Variants in DCDC1 observed in about 807,000 individuals in gnomAD.
DCDC1 encodes doublecortin domain containing 1.
DCDC1 carries 200 observed loss-of-function variants against 178.3 expected under a neutral mutation model. The ratio of observed to expected loss-of-function variants is 1.12; its 90% CI spans 1.00 to 1.26. DCDC1 has a LOEUF of 1.26. Ranked by LOEUF, DCDC1 falls within the 50% of genes most tolerant of loss-of-function variation. DCDC1 has a pLI of 0.00. For missense variants in DCDC1, 1,983 were observed against 1,749.2 expected (o/e 1.13, Z -2.38); for synonymous variants, 690 against 604.8 (o/e 1.14, Z -2.07).
At chr11:31,104,267 T>A (rs752733311) in intron 13 of DCDC1, among the ~76,000 whole-genome samples, 9 of 152,158 alleles carry the variant, frequency 5.9e-5, no homozygotes, top group Non-Finnish European at 1.2e-4. Flanking sequence ...AAAAACAGAT[T>A]TTAAATGAAA....
At chr11:31,112,033 G>A (rs1959185689) in intron 11 of DCDC1, among the ~76,000 whole-genome samples, 1 of 151,994 alleles carries the variant, frequency 6.6e-6, no homozygotes, top group African/African-American at 2.4e-5. Flanking sequence ...AAAATTGGCT[G>A]TGACCTCTGC....
chr11:31,005,301 A>C (rs1169203176), intron 20 of DCDC1, among the ~76,000 whole-genome samples: 1 of 152,132 alleles, frequency 6.6e-6, no homozygotes, highest in Non-Finnish European at 1.5e-5. Context: ...TTTGGACAAC[A>C]TGGTTAGCCC....
intron 38 of DCDC1, 32 bp downstream of exon 38, chr11:30,878,512 T>A: frequency 6.9e-7 from 1 of 1,445,348 alleles, no homozygotes; most frequent in Non-Finnish European, 9.2e-7. Context: ...CATAATGTCA[T>A]AACAAACATG....
At chr11:31,138,096 T>C (rs1565334571) in intron 9 of DCDC1, among the ~76,000 whole-genome samples, 1 of 100,418 alleles carries the variant, frequency 1.0e-5, no homozygotes, top group Non-Finnish European at 2.4e-5. Flanking sequence ...ACAGCAACTT[T>C]TTAAAAAAAA....
intron 20 of DCDC1, among the ~76,000 whole-genome samples, chr11:31,024,485 A>G (rs1391590078): frequency 1.3e-5 from 2 of 151,996 alleles, no homozygotes; most frequent in Non-Finnish European, 2.9e-5. Flanking sequence ...TGGAATGGAA[A>G]TTATATGTGA....
chr11:31,315,652 T>C (rs1384616870), intron 3 of DCDC1, among the ~76,000 whole-genome samples: 1 of 146,266 alleles, frequency 6.8e-6, no homozygotes, highest in East Asian at 2.0e-4. Flanking sequence ...ATACCTTTTT[T>C]TTTTTTTTTT....
At chr11:31,245,127 G>A (rs1319143361) in intron 8 of DCDC1, among the ~76,000 whole-genome samples, 1 of 150,648 alleles carries the variant, frequency 6.6e-6, no homozygotes, top group African/African-American at 2.4e-5. Flanking sequence ...ACCACCTCTG[G>A]CAAAATATCC....
At chr11:30,960,206 T>C (rs1486487734) in intron 20 of DCDC1, among the ~76,000 whole-genome samples, 1 of 152,186 alleles carries the variant, frequency 6.6e-6, no homozygotes, top group African/African-American at 2.4e-5. Flanking sequence ...GTATATATCT[T>C]ATATAAGCAT....
chr11:30,927,707 A>G (rs1946673534), intron 22 of DCDC1, among the ~76,000 whole-genome samples: 1 of 152,216 alleles, frequency 6.6e-6, no homozygotes, highest in Non-Finnish European at 1.5e-5. Flanking sequence ...AATGGAACTT[A>G]TTATACTATT....
chr11:31,113,453 C>T (rs539135107), intron 11 of DCDC1, among the ~76,000 whole-genome samples: 4 of 135,828 alleles, frequency 2.9e-5, no homozygotes, highest in Non-Finnish European at 4.7e-5. Context: ...CCCCACCCAA[C>T]GACAGGCCCC....
intron 21 of DCDC1, among the ~76,000 whole-genome samples, chr11:30,934,516 C>T (rs1008345207): frequency 1.3e-5 from 2 of 152,172 alleles, no homozygotes; most frequent in Non-Finnish European, 2.9e-5. Context: ...AGTTCTCCCA[C>T]AGGCTTACTG....
At chr11:31,089,073 T>C (rs1957644266) in intron 17 of DCDC1, among the ~76,000 whole-genome samples, 1 of 152,168 alleles carries the variant, frequency 6.6e-6, no homozygotes, top group South Asian at 2.1e-4. Flanking sequence ...TCATTTTACT[T>C]CTGTCTGAAG....
At chr11:30,875,149 G>A (rs1001778398) in intron 38 of DCDC1, among the ~76,000 whole-genome samples, 7 of 152,220 alleles carry the variant, frequency 4.6e-5, no homozygotes, top group East Asian at 3.9e-4. Flanking sequence ...GAATACCTAC[G>A]GTTACACGGT....
intron 9 of DCDC1, among the ~76,000 whole-genome samples, chr11:31,145,810 G>T (rs1437267380): frequency 6.6e-6 from 1 of 152,136 alleles, no homozygotes; most frequent in South Asian, 2.1e-4. Context: ...TCTCAATTTG[G>T]TAAGTGCCAG....
At position 31,351,940 on chromosome 11, in the gene DCDC1, C is replaced by T. The variant is rs553263483; in HGVS notation, c.-124-16376G>A. Reference sequence around the variant, plus strand: ...TTTACACTTACAGTTTAAAGGGCTGCAGAGGGAAGCAATTCCACAAGCCAT... The same window carrying T: ...TTTACACTTACAGTTTAAAGGGCTGTAGAGGGAAGCAATTCCACAAGCCAT... On this transcript the variant is annotated intron_variant, in intron 1 of 38. Coordinates refer to ENST00000684477, the MANE Select transcript of DCDC1 (RefSeq NM_001387274.1). Among the ~76,000 whole-genome samples, 9 of 152,188 alleles carry T rather than the reference C, an allele frequency of 5.9e-5. No individual in the cohort carries two copies. The South Asian group carries it at 1.9e-3, about 32-fold the overall frequency.
At chr11:31,180,194 T>C (rs995798383) in intron 9 of DCDC1, among the ~76,000 whole-genome samples, 14 of 152,162 alleles carry the variant, frequency 9.2e-5, no homozygotes, top group Admixed American at 7.2e-4. Context: ...TACAATTAGA[T>C]AGAATGAATA....
chr11:31,110,907 T>C (rs1959159796), intron 11 of DCDC1, among the ~76,000 whole-genome samples: 1 of 152,140 alleles, frequency 6.6e-6, no homozygotes, highest in Non-Finnish European at 1.5e-5. Context: ...CCATTTTAAG[T>C]GCACATATCC....
intron 6 of DCDC1, among the ~76,000 whole-genome samples, chr11:31,303,568 A>G (rs563481517): frequency 1.3e-5 from 2 of 152,266 alleles, no homozygotes; most frequent in East Asian, 3.9e-4. Context: ...AGTGTATGTG[A>G]ATATGTGAGT....
chr11:31,018,447 C>T (rs1952638436), intron 20 of DCDC1, among the ~76,000 whole-genome samples: 1 of 152,196 alleles, frequency 6.6e-6, no homozygotes, highest in Non-Finnish European at 1.5e-5. Context: ...CATTACTAAG[C>T]TCCTAAGCGC....
Sources: gnomAD v4.1 joint callset for allele counts (sites outside exome capture counted in the v4.1 genomes callset) on GRCh38, gnomAD v4.1.1 for gene constraint, MANE v1.5 for transcripts, NCBI Gene and HGNC (gene_info 2026-07-23, HGNC 2026-07-21) for gene names.